TSPYL5: variants seen among roughly 807,000 people sequenced by gnomAD.
TSPYL5 encodes the protein TSPY like 5, also known as testis-specific Y-encoded-like protein 5.
For synonymous variants in TSPYL5, 276 were observed against 236.1 expected (o/e 1.17, Z -1.55); for missense variants, 556 against 555.5 (o/e 1.00, Z -0.01).
Position 97,277,907 on chromosome 8 carries a change from G to A in TSPYL5, c.-63C>T, listed in dbSNP as rs946878423. ...CCTGCGGCTCCTGACGCCAGCTCTCGGTCGGGACCGAGCGGGTCTCTCCAC... is the reference window on the plus strand; with the variant it reads ...CCTGCGGCTCCTGACGCCAGCTCTCAGTCGGGACCGAGCGGGTCTCTCCAC... On this transcript the variant is annotated 5_prime_UTR_variant, in exon 1 of 1. Transcript: ENST00000322128. This position sits in a 1 kb window ranked among gnomAD's most constrained non-coding sequence, Gnocchi z 4.5. The A allele has an allele frequency of 1.5e-6, 2 of 1,327,098 alleles. No individual in the cohort carries two copies. The highest frequency in any genetic ancestry group is 3.0e-5 in the East Asian group (1 of 32,848). 82.2% of individuals were successfully genotyped at this position (1,327,098 alleles called of 1,614,324 possible).
rs1810489202 is a variant in TSPYL5 at position 97,274,948 on chromosome 8, TAGAAGCAAA to T, written c.*1634_*1642del. On this transcript the variant is annotated 3_prime_UTR_variant, in exon 1 of 1. Coordinates refer to ENST00000322128, the MANE Select transcript of TSPYL5 (RefSeq NM_033512.3). ...AGCCCACTCCTGGGGCTATTTGAGG[TAGAAGCAAA>T]GAGAGCAAAGGACTGCTGAAAGTGG... is the stretch of plus-strand genomic sequence containing the variant. The T allele has an allele frequency of 6.6e-6, 1 of 152,328 alleles. No homozygotes were observed. Among genetic ancestry groups the T allele is most frequent in the African/African-American group, 2.4e-5 (1 of 41,354 alleles). The allele number at this position is 152,328 out of a possible 1,614,324, so 9.4% of individuals were successfully genotyped here. A position where few individuals can be genotyped will look rare whatever the true frequency, so the allele number is the denominator to read the frequency against.
chr8:97,276,769 G>A lies in TSPYL5; in HGVS notation c.1076C>T (p.Ser359Phe). The change falls in exon 1 of 1, where the codon TCC becomes TTC. Residue 359 changes from serine to phenylalanine, a missense_variant. Ser to Phe is a radical substitution (Grantham distance 155). Transcript: ENST00000322128. ...CTCCACAATCTTGTCAGACTCAATG[G>A]AGCTGTGGTTTGAAAACCACCCAAA... ...SFFGWFSNHS[S>F]IESDKIVEII... The A allele has an allele frequency of 2.5e-6, 4 of 1,614,144 alleles. No individual in the cohort carries two copies. Among genetic ancestry groups the A allele is most frequent in the Non-Finnish European group, 2.5e-6 (3 of 1,180,018 alleles).
In TSPYL5 at chr8:97,277,305, T is replaced by C; in HGVS notation, c.540A>G (p.Ser180=). 2 of 1,612,646 alleles carry C rather than the reference T, an allele frequency of 1.2e-6. No individual in the cohort carries two copies. Among genetic ancestry groups the C allele is most frequent in the Non-Finnish European group, 1.7e-6 (2 of 1,179,102 alleles). ...TCTCTTCCTTCTTTTCCTCCCCAGC[T>C]GACACCGAGGTATTCTCCCCTGCCG... ...KGAAGENTSV[S]AGEEKKEERD... Residue 180 remains serine, a synonymous_variant, in exon 1 of 1, where the codon TCA becomes TCG. Transcript: ENST00000322128. The surrounding 1 kb of genome is among the most constrained non-coding windows in gnomAD (Gnocchi z 4.5).
chr8:97,276,800 T>C lies in TSPYL5; in HGVS notation c.1045A>G (p.Ser349Gly), dbSNP rs750365661. The change falls in exon 1 of 1, where the codon AGT becomes GGT. Residue 349 changes from serine (S) to glycine (G), a missense_variant. Ser to Gly is a moderately conservative substitution (Grantham distance 56). Transcript: ENST00000322128. Reference sequence around the variant, plus strand: ...TGGTTTGAAAACCACCCAAAGAAACTACGGTTGTTTTCTGGGTTTCCCTGG... The same window carrying C: ...TGGTTTGAAAACCACCCAAAGAAACCACGGTTGTTTTCTGGGTTTCCCTGG... Reference protein sequence around the residue: ...LSQGNPENNRSFFGWFSNHSS... With the variant: ...LSQGNPENNRGFFGWFSNHSS... 3.1e-6 allele frequency: 5 copies of C among 1,614,072 alleles called. No individual in the cohort carries two copies. Among genetic ancestry groups the C allele is most frequent in the Non-Finnish European group, 3.4e-6 (4 of 1,180,026 alleles).
Position 97,274,726 on chromosome 8 carries a change from C to T in TSPYL5, c.*1865G>A, listed in dbSNP as rs1810485130. ...CTCTCTTGAGGAACTTAGAATGAGG[C>T]CTCCCTAACAAAAGAGAAGGTAGGG... On this transcript the variant is annotated 3_prime_UTR_variant, in exon 1 of 1. Coordinates refer to ENST00000322128, the MANE Select transcript of TSPYL5 (RefSeq NM_033512.3). The T allele has an allele frequency of 6.6e-6, 1 of 152,156 alleles. No homozygotes were observed. The highest frequency in any genetic ancestry group is 1.5e-5 in the Non-Finnish European group (1 of 68,050). 9.4% of individuals were successfully genotyped at this position (152,156 alleles called of 1,614,324 possible).
rs763664435 is a variant in TSPYL5 at position 97,276,537 on chromosome 8, A to G, written c.*54T>C. 6 of 1,566,510 alleles carry G rather than the reference A, an allele frequency of 3.8e-6. No homozygotes were observed. The highest frequency in any genetic ancestry group is 1.7e-4 in the Middle Eastern group (1 of 5,796). The stretch of plus-strand genomic sequence containing the variant: ...ATGAAGAGAAGGCAGAGAGCCAAAT[A>G]TGTAGTCAACCAGGAGCAGCCCAGC... On this transcript the variant is annotated 3_prime_UTR_variant, in exon 1 of 1. Coordinates refer to ENST00000322128, the MANE Select transcript of TSPYL5 (RefSeq NM_033512.3).
Position 97,276,869 on chromosome 8 carries a change from T to A in TSPYL5, c.976A>T (p.Thr326Ser). 1 of 1,613,986 alleles carries A rather than the reference T, an allele frequency of 6.2e-7. No homozygotes were observed. The change falls in exon 1 of 1, where the codon ACT becomes TCT. Residue 326 changes from threonine to serine, a missense_variant. Physicochemically the swap from Thr to Ser is moderately conservative, Grantham distance 58. Transcript: ENST00000322128. ...GPSGQVVSRS[T>S]PIQWLPGHDL... ...TGCCCTGGGAGCCACTGGATTGGAG[T>A]AGAACGAGACACCACCTGGCCAGAA... is the stretch of plus-strand genomic sequence containing the variant.
At position 97,276,607 on chromosome 8, in the gene TSPYL5, A is replaced by G. The variant is rs761244511; in HGVS notation, c.1238T>C (p.Val413Ala). ...KQPMETTQPG[V>A]SQSN ...TGTGCAGGATCAGTTGGATTGGCTC[A>G]CCCCAGGCTGAGTAGTCTCCATTGG... Residue 413 changes from valine to alanine, a missense_variant, in exon 1 of 1, where the codon GTG becomes GCG. Transcript: ENST00000322128. The G allele has an allele frequency of 6.2e-7, 1 of 1,613,466 alleles. No individual in the cohort carries two copies.
In TSPYL5 at chr8:97,276,700, A is replaced by G; in HGVS notation, c.1145T>C (p.Leu382Pro). The G allele has an allele frequency of 6.2e-7, 1 of 1,614,156 alleles. No homozygotes were observed. Among genetic ancestry groups the G allele is most frequent in the Non-Finnish European group, 8.5e-7 (1 of 1,180,038 alleles). ...ELWPNPLQFY[L>P]LSEGARVEKG... ...CTCTACACGAGCCCCTTCACTCAAA[A>G]GGTAGAACTGCAAGGGATTGGGCCA... is the stretch of plus-strand genomic sequence containing the variant. Residue 382 changes from leucine (L) to proline (P), a missense_variant, in exon 1 of 1, where the codon CTT becomes CCT. Transcript: ENST00000322128.
Position 97,276,513 on chromosome 8 carries a change from T to C in TSPYL5, c.*78A>G, listed in dbSNP as rs1218360237. 13 of 1,523,304 alleles carry C rather than the reference T, an allele frequency of 8.5e-6. No homozygotes were observed. The highest frequency in any genetic ancestry group is 1.1e-5 in the Non-Finnish European group (13 of 1,130,754). The allele number at this position is 1,523,304 out of a possible 1,614,324, so 94.4% of individuals were successfully genotyped here. A position where few individuals can be genotyped will look rare whatever the true frequency, so the allele number is the denominator to read the frequency against. ...GGTCTATAGTACACAGAGGCCAACATGAAGAGAAGGCAGAGAGCCAAATAT... is the reference window on the plus strand; with the variant it reads ...GGTCTATAGTACACAGAGGCCAACACGAAGAGAAGGCAGAGAGCCAAATAT... On this transcript the variant is annotated 3_prime_UTR_variant, in exon 1 of 1. Transcript: ENST00000322128.
Position 97,277,654 on chromosome 8 carries a change from G to A in TSPYL5, c.191C>T (p.Ala64Val). The A allele has an allele frequency of 6.8e-7, 1 of 1,471,536 alleles. No individual in the cohort carries two copies. Among genetic ancestry groups the A allele is most frequent in the Non-Finnish European group, 9.0e-7 (1 of 1,115,790 alleles). 91.2% of individuals were successfully genotyped at this position (1,471,536 alleles called of 1,614,324 possible). A position where few individuals can be genotyped will look rare whatever the true frequency, so the allele number is the denominator to read the frequency against. The stretch of plus-strand genomic sequence containing the variant: ...CCGGAGGAGCTGCGCGGACGCAGCG[G>A]CTTCCAGGCCACCCCACCCCGCGCC... ...QAGAGWGGLE[A>V]AASAQLLRLG... The change falls in exon 1 of 1, where the codon GCC (alanine) becomes GTC (valine). Residue 64 changes from alanine to valine, a missense_variant. Ala to Val is a moderately conservative substitution (Grantham distance 64). Coordinates refer to ENST00000322128, the MANE Select transcript of TSPYL5 (RefSeq NM_033512.3). The surrounding 1 kb of genome is among the most constrained non-coding windows in gnomAD (Gnocchi z 4.5).
chr8:97,276,608 C>T lies in TSPYL5; in HGVS notation c.1237G>A (p.Val413Met), dbSNP rs1810520745. Residue 413 changes from valine to methionine, a missense_variant, in exon 1 of 1, where the codon GTG becomes ATG. Val to Met is a conservative substitution (Grantham distance 21). Transcript: ENST00000322128. ...GTGCAGGATCAGTTGGATTGGCTCA[C>T]CCCAGGCTGAGTAGTCTCCATTGGC... is the stretch of plus-strand genomic sequence containing the variant. ...KQPMETTQPG[V>M]SQSN is the part of the protein sequence containing the mutation. The T allele has an allele frequency of 1.2e-6, 2 of 1,613,482 alleles. No homozygotes were observed. Among genetic ancestry groups the T allele is most frequent in the Non-Finnish European group, 1.7e-6 (2 of 1,179,660 alleles).
At position 97,277,316 on chromosome 8, in the gene TSPYL5, T is replaced by G; in HGVS notation, c.529A>C (p.Thr177Pro). 6.2e-7 allele frequency: 1 copy of G among 1,611,414 alleles called. No individual in the cohort carries two copies. The highest frequency in any genetic ancestry group is 1.1e-5 in the South Asian group (1 of 90,538). Residue 177 changes from threonine to proline, a missense_variant, in exon 1 of 1, where the codon ACC becomes CCC. By Grantham distance (38) the Thr-to-Pro change is conservative. Coordinates refer to ENST00000322128, the MANE Select transcript of TSPYL5 (RefSeq NM_033512.3). The surrounding 1 kb of genome is among the most constrained non-coding windows in gnomAD (Gnocchi z 4.5). ...TTTTCCTCCCCAGCTGACACCGAGG[T>G]ATTCTCCCCTGCCGCCCCTTTCTTC... ...RQKKGAAGEN[T>P]SVSAGEEKKE...
rs542874637 is a variant in TSPYL5, at chr8:97,274,286, C to T, written c.*2305G>A. The T allele has an allele frequency of 6.6e-6, 1 of 151,716 alleles. No individual in the cohort carries two copies. The highest frequency in any genetic ancestry group is 1.9e-4 in the East Asian group (1 of 5,168). 9.4% of individuals were successfully genotyped at this position (151,716 alleles called of 1,614,324 possible). A position where few individuals can be genotyped will look rare whatever the true frequency, so the allele number is the denominator to read the frequency against. On this transcript the variant is annotated 3_prime_UTR_variant, in exon 1 of 1. Coordinates refer to ENST00000322128, the MANE Select transcript of TSPYL5 (RefSeq NM_033512.3). Reference sequence around the variant, plus strand: ...TGCACATCTGTATCTTCCCATTAGACTAAAATGGGGAAAGTCGTAAGACTT... The same window carrying T: ...TGCACATCTGTATCTTCCCATTAGATTAAAATGGGGAAAGTCGTAAGACTT...
Position 97,277,340 on chromosome 8 carries a change from T to C in TSPYL5, c.505A>G (p.Lys169Glu), listed in dbSNP as rs763666439. Residue 169 changes from lysine (K) to glutamate (E), a missense_variant, in exon 1 of 1, where the codon AAG becomes GAG. Lys to Glu is a moderately conservative substitution (Grantham distance 56). Coordinates refer to ENST00000322128, the MANE Select transcript of TSPYL5 (RefSeq NM_033512.3). This position sits in a 1 kb window ranked among gnomAD's most constrained non-coding sequence, Gnocchi z 4.5. ...GTATTCTCCCCTGCCGCCCCTTTCT[T>C]CTGCCTCCCACCAGCTATGACCTGA... ...GPQVIAGGRQ[K>E]KGAAGENTSV... 8.7e-5 allele frequency: 140 copies of C among 1,609,592 alleles called. No homozygotes were observed. Among genetic ancestry groups the C allele is most frequent in the Admixed American group, 7.0e-4 (42 of 59,742 alleles).
chr8:97,277,854 G>C lies in TSPYL5; in HGVS notation c.-10C>G. 1 of 1,429,998 alleles carries C rather than the reference G, an allele frequency of 7.0e-7. No homozygotes were observed. Among genetic ancestry groups the C allele is most frequent in the Non-Finnish European group, 9.1e-7 (1 of 1,095,068 alleles). The allele number at this position is 1,429,998 out of a possible 1,614,324, so 88.6% of individuals were successfully genotyped here. A position where few individuals can be genotyped will look rare whatever the true frequency, so the allele number is the denominator to read the frequency against. ...GACTTCGGCCGCTCATGGTGGCGGC[G>C]GAGGCAGCTTCAAAGACACGCTGTG... is the stretch of plus-strand genomic sequence containing the variant. On this transcript the variant is annotated 5_prime_UTR_variant, in exon 1 of 1. Transcript: ENST00000322128. The surrounding 1 kb of genome is among the most constrained non-coding windows in gnomAD (Gnocchi z 4.5).
rs1198561937 is a variant in TSPYL5 at position 97,274,771 on chromosome 8, G to A, written c.*1820C>T. On this transcript the variant is annotated 3_prime_UTR_variant, in exon 1 of 1. Transcript: ENST00000322128. ...GTAGGGAAGAACAGGTGTAGATACA[G>A]TCCTTCTTACCCACCCTCAGGGATA... 6.6e-6 allele frequency: 1 copy of A among 152,184 alleles called. No homozygotes were observed. 9.4% of individuals were successfully genotyped at this position (152,184 alleles called of 1,614,324 possible).
rs1418763378 is a variant in TSPYL5 at position 97,275,051 on chromosome 8, G to C, written c.*1540C>G. 6.6e-6 allele frequency: 1 copy of C among 152,580 alleles called. No individual in the cohort carries two copies. Among genetic ancestry groups the C allele is most frequent in the Non-Finnish European group, 1.5e-5 (1 of 68,106 alleles). 9.5% of individuals were successfully genotyped at this position (152,580 alleles called of 1,614,324 possible). A position where few individuals can be genotyped will look rare whatever the true frequency, so the allele number is the denominator to read the frequency against. On this transcript the variant is annotated 3_prime_UTR_variant, in exon 1 of 1. Coordinates refer to ENST00000322128, the MANE Select transcript of TSPYL5 (RefSeq NM_033512.3). ...AGGAGGAAACAGCAGGAGGCACTTGGGTCTTAGGAAGCATTAAAACAAAGT... is the reference window on the plus strand; with the variant it reads ...AGGAGGAAACAGCAGGAGGCACTTGCGTCTTAGGAAGCATTAAAACAAAGT...
Position 97,273,561 on chromosome 8 carries a change from G to A in TSPYL5, c.*3030C>T, listed in dbSNP as rs1810463050. 1 of 152,562 alleles carries A rather than the reference G, an allele frequency of 6.6e-6. No homozygotes were observed. Among genetic ancestry groups the A allele is most frequent in the Non-Finnish European group, 1.5e-5 (1 of 68,010 alleles). The allele number at this position is 152,562 out of a possible 1,614,324, so 9.5% of individuals were successfully genotyped here. ...ACTATTTATACTGTTTAAGAACACA[G>A]AAATAATTGCGTTATTAACAGGGTG... On this transcript the variant is annotated 3_prime_UTR_variant, in exon 1 of 1. Transcript: ENST00000322128.
Sources: allele counts gnomAD v4.1 joint callset, GRCh38; gene constraint gnomAD v4.1.1; non-coding constraint Gnocchi (gnomAD v3.1); transcripts MANE v1.5; gene names NCBI Gene and HGNC (gene_info 2026-07-23, HGNC 2026-07-21).